Variants in GREB1L observed in about 807,000 individuals in gnomAD.
The protein encoded by GREB1L is GREB1 like retinoic acid receptor coactivator.
GREB1L carries 17 observed loss-of-function variants against 200.8 expected under a neutral mutation model. The ratio of observed to expected loss-of-function variants is 0.08; its 90% confidence interval spans 0.06 to 0.13. The LOEUF (loss-of-function observed/expected upper bound fraction) is 0.13. Ranked by LOEUF, GREB1L falls within the 10% of genes least tolerant of loss-of-function variation. GREB1L has a pLI of 1.00. For synonymous variants in GREB1L, 789 were observed against 893.0 expected (o/e 0.88, Z 2.08); for missense variants, 1,657 against 2,367.7 (o/e 0.70, Z 6.23).
intron 21 of GREB1L, 121 bp downstream of exon 21, chr18:21,496,819 G>T: frequency 8.9e-7 from 1 of 1,128,154 alleles, no homozygotes; most frequent in Non-Finnish European, 1.2e-6. Context: ...TTCAGGGACT[G>T]GCATCCTCTC....
chr18:21,508,095 C>G (rs905703997), intron 25 of GREB1L, 23 bp from the exon 26 acceptor site: 105 of 1,549,722 alleles, frequency 6.8e-5, no homozygotes, highest in Non-Finnish European at 7.8e-5. Flanking sequence ...TACGTTCCCT[C>G]CCTTTCTTCT....
Position 21,525,012 on chromosome 18 carries a change from G to GTGTAGA in GREB1L, c.*2192_*2193insGTAGAT, listed in dbSNP as rs55641891. 1 of 145,122 alleles carries GTGTAGA rather than the reference G, an allele frequency of 6.9e-6. No homozygotes were observed. The highest frequency in any genetic ancestry group is 1.5e-5 in the Non-Finnish European group (1 of 66,158). 9.0% of individuals were successfully genotyped at this position (145,122 alleles called of 1,614,324 possible). A position where few individuals can be genotyped will look rare whatever the true frequency, so the allele number is the denominator to read the frequency against. On this transcript the variant is annotated 3_prime_UTR_variant, in exon 33 of 33. Coordinates refer to ENST00000424526, the MANE Select transcript of GREB1L (RefSeq NM_001142966.3). ...AAGCACAGGACACCATGATTTGTGT[G>GTGTAGA]TATATATATATATATCCTAGTGTGT...
At chr18:21,306,170 T>C (rs1015618030) in intron 1 of GREB1L, among the ~76,000 whole-genome samples, 2 of 152,192 alleles carry the variant, frequency 1.3e-5, no homozygotes, top group African/African-American at 4.8e-5. Context: ...TTCACTGAGG[T>C]ATCCCCAGTG....
chr18:21,500,414 G>T, intron 22 of GREB1L, 108 bp downstream of exon 22: 1 of 837,942 alleles, frequency 1.2e-6, no homozygotes. Flanking sequence ...TGACAGAGCA[G>T]TGAGGACCTC....
chr18:21,515,318 T>C (rs187346496), intron 28 of GREB1L, 99 bp from the exon 29 acceptor site: 48 of 802,994 alleles, frequency 6.0e-5, no homozygotes, highest in Non-Finnish European at 7.9e-5. Context: ...AATTTTATCC[T>C]TGAGAGTATT....
intron 1 of GREB1L, among the ~76,000 whole-genome samples, chr18:21,247,200 T>C (rs2037619138): frequency 6.6e-6 from 1 of 152,212 alleles, no homozygotes; most frequent in Non-Finnish European, 1.5e-5. Flanking sequence ...TCTTCTCTTC[T>C]ACCCAACTCT....
rs183931666 is a variant in GREB1L, at chr18:21,292,612, C to T, written c.-120+50219C>T. Among the ~76,000 whole-genome samples the T allele has an allele frequency of 3.3e-5, 5 of 152,260 alleles. No homozygotes were observed. The East Asian group carries it at 9.7e-4, about 29-fold the overall frequency. ...GTTTCATTGGAATTATATCATGTGT[C>T]GCCCTTTGTGTCTGGCGTCTTTCAC... On this transcript the variant is annotated intron_variant, in intron 1 of 32. Coordinates refer to ENST00000424526, the MANE Select transcript of GREB1L (RefSeq NM_001142966.3).
intron 1 of GREB1L, among the ~76,000 whole-genome samples, chr18:21,321,394 T>C (rs2038949118): frequency 6.6e-6 from 1 of 150,948 alleles, no homozygotes; most frequent in South Asian, 2.1e-4. Flanking sequence ...TTTTAAAAAA[T>C]GAAGGATAGG....
intron 1 of GREB1L, among the ~76,000 whole-genome samples, chr18:21,288,024 C>CT (rs1307939685): frequency 6.6e-6 from 1 of 151,968 alleles, no homozygotes; most frequent in African/African-American, 2.4e-5. Flanking sequence ...AGGATGGTCT[C>CT]TATCTCCTGA....
At chr18:21,369,607 T>G (rs973824190) in intron 2 of GREB1L, among the ~76,000 whole-genome samples, 3 of 152,154 alleles carry the variant, frequency 2.0e-5, no homozygotes, top group Non-Finnish European at 4.4e-5. Flanking sequence ...CAATAATTAT[T>G]TCTAAAAAAA....
intron 2 of GREB1L, among the ~76,000 whole-genome samples, chr18:21,373,621 C>T (rs1219095277): frequency 1.3e-5 from 2 of 152,156 alleles, no homozygotes; most frequent in African/African-American, 4.8e-5. Flanking sequence ...GGCCGTGAGC[C>T]ACTGTGCCTG....
intron 7 of GREB1L, among the ~76,000 whole-genome samples, chr18:21,430,140 C>T (rs2033021996): frequency 6.6e-6 from 1 of 152,090 alleles, no homozygotes; most frequent in South Asian, 2.1e-4. Flanking sequence ...ATAATTACCC[C>T]TTTAAAGGGC....
Position 21,285,846 on chromosome 18 carries a change from A to G in GREB1L, c.-120+43453A>G, listed in dbSNP as rs2038346268. Among the ~76,000 whole-genome samples, 4 of 152,024 alleles carry G rather than the reference A, an allele frequency of 2.6e-5. 1 individual carries two copies. The highest frequency in any genetic ancestry group is 4.1e-4 in the South Asian group (2 of 4,832). On this transcript the variant is annotated intron_variant, in intron 1 of 32. Coordinates refer to ENST00000424526, the MANE Select transcript of GREB1L (RefSeq NM_001142966.3). Reference sequence around the variant, plus strand: ...AACACATGTATGTAAATAGGTGACTATACTTGCTTGTGGGGTAGAGGTGGT... The same window carrying G: ...AACACATGTATGTAAATAGGTGACTGTACTTGCTTGTGGGGTAGAGGTGGT...
At chr18:21,422,315 A>G (rs1164866871) in intron 7 of GREB1L, among the ~76,000 whole-genome samples, 1 of 152,196 alleles carries the variant, frequency 6.6e-6, no homozygotes, top group Non-Finnish European at 1.5e-5. Context: ...GTTCTGAAAC[A>G]TTTACATATT....
intron 11 of GREB1L, among the ~76,000 whole-genome samples, chr18:21,448,832 C>T (rs1228019102): frequency 6.6e-6 from 1 of 152,118 alleles, no homozygotes; most frequent in East Asian, 1.9e-4. Context: ...CCCCCTGATT[C>T]CAGGGGCCAC....
intron 1 of GREB1L, among the ~76,000 whole-genome samples, chr18:21,321,609 C>T (rs1299789667): frequency 6.6e-6 from 1 of 152,054 alleles, no homozygotes; most frequent in East Asian, 1.9e-4. Context: ...ATCACTTGAA[C>T]CCGGGAGGCA....
chr18:21,260,172 T>C (rs1427317254), intron 1 of GREB1L, among the ~76,000 whole-genome samples: 1 of 151,982 alleles, frequency 6.6e-6, no homozygotes, highest in Non-Finnish European at 1.5e-5. Context: ...AAATTCACTT[T>C]TTAGAAATTT....
chr18:21,386,879 A>AC (rs1196929172), intron 4 of GREB1L, among the ~76,000 whole-genome samples: 68 of 152,258 alleles, frequency 4.5e-4, no homozygotes, highest in African/African-American at 1.6e-3. Context: ...CAGTTCTGAA[A>AC]TTTTCCTTAT....
In GREB1L at chr18:21,350,238, C is replaced by CT. The variant is rs1019497941; in HGVS notation, c.-119-15772dup. 6.5e-3 allele frequency among the ~76,000 whole-genome samples: 861 copies of CT among 133,262 alleles called. 8 individuals carry two copies. The highest frequency in any genetic ancestry group is 0.019 in the Middle Eastern group (5 of 258). The allele number at this position is 133,262 out of a possible 152,430, so 87.4% of individuals were successfully genotyped here. On this transcript the variant is annotated intron_variant, in intron 1 of 32. Transcript: ENST00000424526. ...GAATAGATTTTTCTTTTCTTTCTTT[C>CT]TTTTTTTTTTTTTTTTTGAGGCAGA...
Sources: allele counts gnomAD v4.1 joint callset (sites outside exome capture counted in the v4.1 genomes callset), GRCh38; gene constraint gnomAD v4.1.1; transcripts MANE v1.5; gene names NCBI Gene and HGNC (gene_info 2026-07-23, HGNC 2026-07-21).